The following RAPGEF4 variants were observed in gnomAD, a reference collection of about 807,000 sequenced individuals.
RAPGEF4 encodes the protein RAP guanine-nucleotide-exchange factor (GEF) 4.
Under a neutral mutation model 147.9 loss-of-function variants are expected in RAPGEF4, and 66 were observed. The observed-to-expected ratio is 0.45, with a 90% CI of 0.37 to 0.55. The LOEUF is 0.55. Ranked by LOEUF, RAPGEF4 falls within the 20% of genes least tolerant of loss-of-function variation. The probability of loss-of-function intolerance (pLI) is 0.00; values close to 1 mark genes in which losing one functional copy is unlikely to be tolerated. For missense variants in RAPGEF4, 1,071 were observed against 1,257.3 expected (o/e 0.85, Z 2.24); for synonymous variants, 419 against 442.7 (o/e 0.95, Z 0.67).
At chr2:172,905,566 G>C (rs1247338584) in intron 4 of RAPGEF4, among the ~76,000 whole-genome samples, 3 of 152,214 alleles carry the variant, frequency 2.0e-5, no homozygotes. Context: ...ATCTCTAACA[G>C]GGGGCTTTGT....
chr2:172,905,640 T>A (rs1699546360), intron 4 of RAPGEF4, among the ~76,000 whole-genome samples: 1 of 152,210 alleles, frequency 6.6e-6, no homozygotes, highest in Non-Finnish European at 1.5e-5. Context: ...GGCTCTTATG[T>A]GATTCAGGTT....
chr2:172,816,277 C>G (rs1195545771), intron 4 of RAPGEF4, among the ~76,000 whole-genome samples: 1 of 151,934 alleles, frequency 6.6e-6, no homozygotes, highest in Non-Finnish European at 1.5e-5. Flanking sequence ...TCTCCTCTCT[C>G]CCTCTCTCCC....
At chr2:172,846,980 T>C (rs1338513245) in intron 4 of RAPGEF4, among the ~76,000 whole-genome samples, 1 of 152,166 alleles carries the variant, frequency 6.6e-6, no homozygotes, top group Non-Finnish European at 1.5e-5. Flanking sequence ...GAGGATGGAA[T>C]GGAGCTTAGT....
At chr2:172,974,987 G>A (rs1479975699) in intron 10 of RAPGEF4, among the ~76,000 whole-genome samples, 2 of 152,220 alleles carry the variant, frequency 1.3e-5, no homozygotes, top group African/African-American at 4.8e-5. Context: ...TTGTCAAACT[G>A]ATTGCACAGA....
At chr2:173,038,987 G>A (rs1370127820) in intron 29 of RAPGEF4, among the ~76,000 whole-genome samples, 1 of 152,170 alleles carries the variant, frequency 6.6e-6, no homozygotes, top group Admixed American at 6.5e-5. Flanking sequence ...CATACCCAGA[G>A]CAGTGGATTC....
chr2:172,764,821 A>G (rs922453733), intron 1 of RAPGEF4, among the ~76,000 whole-genome samples: 3 of 152,178 alleles, frequency 2.0e-5, no homozygotes, highest in African/African-American at 7.2e-5. Context: ...TTATGGGAGA[A>G]GCACTGGGCA....
chr2:173,007,272 T>C (rs1480439863), intron 17 of RAPGEF4, among the ~76,000 whole-genome samples: 2 of 152,348 alleles, frequency 1.3e-5, no homozygotes, highest in East Asian at 3.9e-4. Flanking sequence ...AACTAGAGAC[T>C]TCTAAAAACA....
chr2:172,899,432 T>C (rs1329622282), intron 4 of RAPGEF4, among the ~76,000 whole-genome samples: 1 of 152,192 alleles, frequency 6.6e-6, no homozygotes, highest in Non-Finnish European at 1.5e-5. Context: ...CATTGGAAAG[T>C]GAGACTCTTG....
chr2:173,051,306 C>G (rs1327554018), intron 30 of RAPGEF4, among the ~76,000 whole-genome samples: 1 of 152,090 alleles, frequency 6.6e-6, no homozygotes, highest in Non-Finnish European at 1.5e-5. Context: ...GTGTGAGACA[C>G]AGAGACCTCT....
At chr2:172,790,256 A>G (rs1326546962) in intron 1 of RAPGEF4, among the ~76,000 whole-genome samples, 1 of 152,142 alleles carries the variant, frequency 6.6e-6, no homozygotes, top group African/African-American at 2.4e-5. Flanking sequence ...TTCTTTGGAG[A>G]AATGTCTATT....
chr2:172,912,654 A>G (rs1230917454), intron 4 of RAPGEF4, among the ~76,000 whole-genome samples: 4 of 152,204 alleles, frequency 2.6e-5, no homozygotes, highest in Admixed American at 6.5e-5. Context: ...AATTCTGAAT[A>G]CAAACTAAAT....
At chr2:172,859,460 C>G (rs1693781234) in intron 4 of RAPGEF4, among the ~76,000 whole-genome samples, 1 of 152,220 alleles carries the variant, frequency 6.6e-6, no homozygotes, top group Non-Finnish European at 1.5e-5. Flanking sequence ...GAATTAAATA[C>G]AGCCTTTAGC....
In RAPGEF4 at chr2:172,797,531, G is replaced by A. The variant is rs773272442; in HGVS notation, c.215G>A (p.Arg72His). The A allele has an allele frequency of 1.2e-5, 19 of 1,612,060 alleles. No individual in the cohort carries two copies. Among genetic ancestry groups the A allele is most frequent in the African/African-American group, 4.0e-5 (3 of 74,960 alleles). Residue 72 changes from arginine (R) to histidine (H), a missense_variant, in exon 3 of 31, where the codon CGC becomes CAC. Transcript: ENST00000397081. Reference protein sequence around the residue: ...ENLEKGITLFRQGDIGTNWYA... With the variant: ...ENLEKGITLFHQGDIGTNWYA... The stretch of plus-strand genomic sequence containing the variant: ...CACAATTTTTTTTTCCCAGTATTTC[G>A]CCAGGGTGATATTGGAACAAACTGG...
intron 4 of RAPGEF4, among the ~76,000 whole-genome samples, chr2:172,818,280 TA>T (rs984351316): frequency 6.6e-6 from 1 of 151,988 alleles, no homozygotes; most frequent in African/African-American, 2.4e-5. Flanking sequence ...AAGTCACCAC[TA>T]AAAAACTTAT....
chr2:172,941,310 T>G (rs111521396), intron 6 of RAPGEF4, among the ~76,000 whole-genome samples: 3,131 of 152,278 alleles, frequency 0.021, 111 homozygotes, highest in African/African-American at 0.071. Flanking sequence ...CCTTATTTCT[T>G]AAGTCTTCCA....
chr2:173,001,461 C>T lies in RAPGEF4; in HGVS notation c.1658+117C>T, dbSNP rs983886642. The T allele has an allele frequency of 2.4e-5, 30 of 1,252,508 alleles. No homozygotes were observed. The Admixed American group carries it at 5.2e-4, about 22-fold the overall frequency. 77.6% of individuals were successfully genotyped at this position (1,252,508 alleles called of 1,614,324 possible). On this transcript the variant is annotated intron_variant, in intron 17 of 30. Coordinates refer to ENST00000397081, the MANE Select transcript of RAPGEF4 (RefSeq NM_007023.4). ...CATGGCCCAGGCAGAGTTGTGCATT[C>T]CACCCTCATCACACTGAAATGTGTT... is the stretch of plus-strand genomic sequence containing the variant.
chr2:172,858,174 T>A (rs1693655087), intron 4 of RAPGEF4, among the ~76,000 whole-genome samples: 1 of 152,200 alleles, frequency 6.6e-6, no homozygotes, highest in Admixed American at 6.5e-5. Context: ...GTTTTTGAGT[T>A]TATGCTCCTT....
chr2:172,758,823 A>G (rs991953133), intron 1 of RAPGEF4, among the ~76,000 whole-genome samples: 2 of 152,178 alleles, frequency 1.3e-5, no homozygotes, highest in Admixed American at 1.3e-4. Context: ...GTGAAATTGG[A>G]TATATGCTTC....
At chr2:172,898,631 G>A (rs1256474004) in intron 4 of RAPGEF4, among the ~76,000 whole-genome samples, 1 of 152,176 alleles carries the variant, frequency 6.6e-6, no homozygotes, top group Non-Finnish European at 1.5e-5. Context: ...GGAGGGTATA[G>A]AGGACAAACA....
Sources: gnomAD v4.1 joint callset for allele counts (sites outside exome capture counted in the v4.1 genomes callset) on GRCh38, gnomAD v4.1.1 for gene constraint, MANE v1.5 for transcripts, NCBI Gene and HGNC (gene_info 2026-07-23, HGNC 2026-07-21) for gene names.